PRIM2: variants seen among roughly 807,000 people sequenced by gnomAD.
The protein encoded by PRIM2 is DNA primase large subunit.
A neutral mutation model predicts 67.3 loss-of-function variants in PRIM2; 39 were observed. That is an observed-to-expected ratio of 0.58 (90% CI 0.45 to 0.76). PRIM2 has a LOEUF of 0.76. PRIM2 is among the 30% of genes least tolerant of loss of function. The pLI, the probability that PRIM2 is intolerant of heterozygous loss-of-function variation, is 0.00. For synonymous variants in PRIM2, 143 were observed against 198.7 expected, an observed-to-expected ratio of 0.72 and a Z score of 2.36; for missense variants, 398 against 598.7, an observed-to-expected ratio of 0.66 and a Z score of 3.50.
chr6:57,251,032 T>C, the PRIM2 span, among the ~76,000 whole-genome samples: 1 of 152,226 alleles, frequency 6.6e-6, no homozygotes, highest in South Asian at 2.1e-4. Flanking sequence ...TGAAGGATAC[T>C]CAACCTGTAG....
chr6:57,366,671 G>T (rs1489986658), intron 5 of PRIM2, among the ~76,000 whole-genome samples: 3 of 152,138 alleles, frequency 2.0e-5, no homozygotes, highest in Non-Finnish European at 1.5e-5. Context: ...GACCGTGCCT[G>T]TTCCAGTTTT....
At chr6:57,519,360 A>G (rs1437759796) in intron 8 of PRIM2, among the ~76,000 whole-genome samples, 21 of 152,228 alleles carry the variant, frequency 1.4e-4, no homozygotes, top group African/African-American at 4.1e-4. Flanking sequence ...ACTGGGGTCT[A>G]TTTCACCCCT....
chr6:57,356,457 C>A (rs1157100245), intron 5 of PRIM2, among the ~76,000 whole-genome samples: 2 of 152,024 alleles, frequency 1.3e-5, no homozygotes, highest in East Asian at 3.8e-4. Flanking sequence ...GATTTCATCC[C>A]CCAATACCCA....
intron 10 of PRIM2, among the ~76,000 whole-genome samples, chr6:57,577,532 G>A (rs1481647190): frequency 6.6e-6 from 1 of 150,642 alleles, no homozygotes; most frequent in Non-Finnish European, 1.5e-5. Flanking sequence ...GGGTTCAAGC[G>A]ATTCTCCTGC....
intron 7 of PRIM2, among the ~76,000 whole-genome samples, chr6:57,395,858 G>A (rs1405200920): frequency 1.3e-5 from 2 of 152,060 alleles, no homozygotes; most frequent in Non-Finnish European, 2.9e-5. Context: ...TTGATAGGTT[G>A]TGTCATTATT....
intron 13 of PRIM2, among the ~76,000 whole-genome samples, chr6:57,634,578 TG>T (rs1232682640): frequency 1.3e-5 from 2 of 152,294 alleles, no homozygotes; most frequent in Non-Finnish European, 2.9e-5. Context: ...TTTAATCATT[TG>T]TGGATGCTTT....
chr6:57,597,777 G>A (rs1189616367), intron 10 of PRIM2, among the ~76,000 whole-genome samples: 3 of 152,176 alleles, frequency 2.0e-5, no homozygotes, highest in Non-Finnish European at 4.4e-5. Flanking sequence ...GGGCAACTCT[G>A]AAGTGTCTTG....
intron 8 of PRIM2, among the ~76,000 whole-genome samples, chr6:57,520,930 T>G (rs1774605592): frequency 6.6e-6 from 1 of 152,234 alleles, no homozygotes; most frequent in African/African-American, 2.4e-5. Flanking sequence ...TTTAGCCTCT[T>G]GGAATCATAC....
chr6:57,599,954 A>G (rs1776431081), intron 10 of PRIM2, among the ~76,000 whole-genome samples: 1 of 152,176 alleles, frequency 6.6e-6, no homozygotes, highest in African/African-American at 2.4e-5. Flanking sequence ...CACACAGCTA[A>G]TATTTAATTT....
At chr6:57,453,793 G>A (rs200499828) in intron 7 of PRIM2, among the ~76,000 whole-genome samples, 17 of 152,250 alleles carry the variant, frequency 1.1e-4, no homozygotes, top group Admixed American at 7.9e-4. Context: ...TCTCCTGCCT[G>A]ATTGCCCTGG....
chr6:57,405,811 CA>C (rs1770868512), intron 7 of PRIM2, among the ~76,000 whole-genome samples: 1 of 150,034 alleles, frequency 6.7e-6, no homozygotes, highest in Non-Finnish European at 1.5e-5. Context: ...TGGCAGCCAA[CA>C]GATTAAATTG....
At chr6:57,291,629 A>C in the PRIM2 span, among the ~76,000 whole-genome samples, 1 of 152,338 alleles carries the variant, frequency 6.6e-6, no homozygotes, top group African/African-American at 2.4e-5. Context: ...CCAGCAGCAC[A>C]TCAAAAAGCT....
At chr6:57,233,118 T>G in the PRIM2 span, among the ~76,000 whole-genome samples, 1 of 152,192 alleles carries the variant, frequency 6.6e-6, no homozygotes, top group Non-Finnish European at 1.5e-5. Context: ...GGTCATAGCC[T>G]AGTTTGCATT....
At chr6:57,486,728 T>C (rs1773761474) in intron 7 of PRIM2, among the ~76,000 whole-genome samples, 1 of 152,224 alleles carries the variant, frequency 6.6e-6, no homozygotes, top group South Asian at 2.1e-4. Flanking sequence ...GCATCAGAAA[T>C]GAGACCTTGG....
At chr6:57,338,783 GA>G (rs1336684854) in intron 5 of PRIM2, among the ~76,000 whole-genome samples, 1 of 134,218 alleles carries the variant, frequency 7.5e-6, no homozygotes, top group Admixed American at 7.4e-5. Flanking sequence ...CATTCCCTTT[GA>G]AAACTGGCAC....
At chr6:57,562,237 A>C (rs1330215411) in intron 10 of PRIM2, among the ~76,000 whole-genome samples, 5 of 152,224 alleles carry the variant, frequency 3.3e-5, no homozygotes. Flanking sequence ...TAAGAGAATT[A>C]CCAAAATGTG....
At chr6:57,272,112 G>A in the PRIM2 span, among the ~76,000 whole-genome samples, 3 of 152,166 alleles carry the variant, frequency 2.0e-5, no homozygotes, top group Admixed American at 6.5e-5. Context: ...CTATTGATTT[G>A]GGGTGGAGAG....
intron 5 of PRIM2, chr6:57,326,299 G>T (rs774250124): frequency 3.3e-6 from 1 of 306,106 alleles, no homozygotes; most frequent in African/African-American, 2.2e-5. Context: ...AGAAGGTTTA[G>T]TTTATAAAGG....
intron 7 of PRIM2, among the ~76,000 whole-genome samples, chr6:57,455,444 G>T (rs1772732888): frequency 6.6e-6 from 1 of 152,114 alleles, no homozygotes; most frequent in Non-Finnish European, 1.5e-5. Context: ...GGTCTCTAAG[G>T]ACTTGCTTTA....
Sources: allele counts gnomAD v4.1 joint callset (sites outside exome capture counted in the v4.1 genomes callset), GRCh38; gene constraint gnomAD v4.1.1; transcripts MANE v1.5; gene names NCBI Gene and HGNC (gene_info 2026-07-23, HGNC 2026-07-21).